DACH2: variants seen among roughly 807,000 people sequenced by gnomAD.
The protein encoded by DACH2 is dachshund homolog 2.
A neutral mutation model predicts 35.8 loss-of-function variants in DACH2; 17 were observed. The observed-to-expected ratio is 0.48, with a 90% CI of 0.33 to 0.71. The LOEUF is 0.71. DACH2 is among the 30% of genes least tolerant of loss of function. The probability of loss-of-function intolerance (pLI) is 0.02; values close to 1 mark genes in which losing one functional copy is unlikely to be tolerated. For synonymous variants in DACH2, 195 were observed against 177.3 expected (o/e 1.10, Z -0.79); for missense variants, 469 against 472.7 (o/e 0.99, Z 0.07).
At chrX:86,404,097 G>T (rs748642532) in intron 2 of DACH2, among the ~76,000 whole-genome samples, 1 of 110,425 alleles carries the variant, frequency 9.1e-6, no homozygotes, top group South Asian at 3.9e-4. Context: ...TTCACAACAC[G>T]TTGGGATTAT....
intron 2 of DACH2, among the ~76,000 whole-genome samples, chrX:86,503,123 C>T (rs1347865938): frequency 8.9e-6 from 1 of 112,165 alleles, no homozygotes; most frequent in African/African-American, 3.2e-5. Flanking sequence ...ATAGAATTCC[C>T]TCATGTAAAT....
At chrX:86,398,899 G>A (rs1328172207) in intron 2 of DACH2, among the ~76,000 whole-genome samples, 2 of 111,686 alleles carry the variant, frequency 1.8e-5, no homozygotes, top group Non-Finnish European at 1.9e-5. Flanking sequence ...TGTCTATTAG[G>A]TCCACTTGGT....
chrX:86,393,652 A>T (rs376598877), intron 2 of DACH2, among the ~76,000 whole-genome samples: 5 of 112,133 alleles, frequency 4.5e-5, no homozygotes, highest in African/African-American at 1.6e-4. Flanking sequence ...GGGTATAGAA[A>T]TTGTAGAATT....
chrX:86,659,292 C>A (rs1163021956), intron 4 of DACH2, among the ~76,000 whole-genome samples: 1 of 110,425 alleles, frequency 9.1e-6, no homozygotes. Flanking sequence ...TTTTCAGTAC[C>A]CTTCTATAAC....
chrX:86,758,661 T>C (rs1327519310), intron 7 of DACH2, among the ~76,000 whole-genome samples: 1 of 112,240 alleles, frequency 8.9e-6, no homozygotes, highest in Non-Finnish European at 1.9e-5. Flanking sequence ...ATCTGTCCTT[T>C]GAAATGTTTA....
intron 1 of DACH2, among the ~76,000 whole-genome samples, chrX:86,356,260 T>G (rs753599208): frequency 8.9e-6 from 1 of 112,122 alleles, no homozygotes; most frequent in South Asian, 3.7e-4. Context: ...GGCTAGCCAG[T>G]TATCCCAGCA....
chrX:86,445,241 A>C (rs950967041), intron 2 of DACH2, among the ~76,000 whole-genome samples: 1 of 107,313 alleles, frequency 9.3e-6, no homozygotes, highest in South Asian at 4.1e-4. Flanking sequence ...TTTTATTCTC[A>C]GTAAACTATC....
At chrX:86,379,121 A>G (rs1213653105) in intron 2 of DACH2, among the ~76,000 whole-genome samples, 1 of 111,423 alleles carries the variant, frequency 9.0e-6, no homozygotes, top group African/African-American at 3.2e-5. Flanking sequence ...AGCCATGTGT[A>G]TAACATGTGT....
chrX:86,524,257 G>T (rs1451396914), intron 3 of DACH2, among the ~76,000 whole-genome samples: 1 of 112,282 alleles, frequency 8.9e-6, no homozygotes, highest in African/African-American at 3.2e-5. Context: ...ACTACTTCCT[G>T]CTGACAGGGG....
At chrX:86,819,126 CAG>C (rs2042483096) in intron 11 of DACH2, among the ~76,000 whole-genome samples, 1 of 108,234 alleles carries the variant, frequency 9.2e-6, no homozygotes, top group South Asian at 3.9e-4. Context: ...TGTTGTTTGA[CAG>C]AGACGATAAT....
At chrX:86,174,725 G>A (rs1191118378) in intron 1 of DACH2, among the ~76,000 whole-genome samples, 1 of 111,707 alleles carries the variant, frequency 9.0e-6, no homozygotes, top group Non-Finnish European at 1.9e-5. Context: ...CCAGGCTGGA[G>A]TGCAGTGGCA....
chrX:86,400,357 C>A (rs1278055327), intron 2 of DACH2, among the ~76,000 whole-genome samples: 1 of 111,136 alleles, frequency 9.0e-6, no homozygotes, highest in Admixed American at 9.6e-5. Context: ...GTAGTTTGAT[C>A]TTCTGAAGCC....
chrX:86,205,482 CTCCTTCCCTCCTTCCTTCCTTCCT>C (rs2032279209), intron 1 of DACH2, among the ~76,000 whole-genome samples: 2 of 43,459 alleles, frequency 4.6e-5, no homozygotes, highest in African/African-American at 3.6e-4. Flanking sequence ...CCCTCCTTCC[CTCCTTCCCTCCTTCCTTCCTTCCT>C]TCCTTCCTTC....
chrX:86,543,729 G>A (rs191398361), intron 3 of DACH2, among the ~76,000 whole-genome samples: 4 of 106,374 alleles, frequency 3.8e-5, no homozygotes, highest in African/African-American at 6.8e-5. Flanking sequence ...TCCAACTATC[G>A]CAAGAACCAA....
intron 11 of DACH2, among the ~76,000 whole-genome samples, chrX:86,818,149 A>G (rs903429504): frequency 1.3e-4 from 15 of 111,993 alleles, no homozygotes; most frequent in Admixed American, 1.9e-4. Flanking sequence ...TGTGATAAAA[A>G]TGGAAAAATA....
intron 11 of DACH2, among the ~76,000 whole-genome samples, chrX:86,822,943 A>T (rs146274291): frequency 0.13 from 14,743 of 111,239 alleles, 882 homozygotes; most frequent in South Asian, 0.4. Flanking sequence ...CTTGCTATCT[A>T]ATTTTACATT....
chrX:86,294,645 C>G (rs918847600), intron 1 of DACH2, among the ~76,000 whole-genome samples: 2 of 109,323 alleles, frequency 1.8e-5, no homozygotes, highest in Non-Finnish European at 3.8e-5. Flanking sequence ...TTCTAACAGA[C>G]AGGGCCCTCA....
rs758985768 is a variant in DACH2 at position 86,814,745 on chromosome X, C to A, written c.1595C>A (p.Ala532Asp). 2.5e-6 allele frequency: 3 copies of A among 1,210,898 alleles called. No individual in the cohort carries two copies. Among genetic ancestry groups the A allele is most frequent in the Non-Finnish European group, 3.4e-6 (3 of 895,005 alleles). The change falls in exon 10 of 12, where the codon GCC (alanine) becomes GAC (aspartate). Residue 532 changes from alanine to aspartate, a missense_variant. By Grantham distance (126) the Ala-to-Asp change is moderately radical. This residue lies in a region of DACH2 where 363 missense variants were observed against 334.4 expected (regional missense o/e 1.09). Coordinates refer to ENST00000373125, the MANE Select transcript of DACH2 (RefSeq NM_053281.3). ...EKKTKRKLQE[A>D]LEFESKRREQ... ...AAAACCAAGAGAAAATTGCAGGAAG[C>A]CTTGGAATTTGAATCAAAGCGCCGG...
chrX:86,698,521 GTTTTTTT>G (rs767152609), intron 5 of DACH2, among the ~76,000 whole-genome samples: 7 of 32,959 alleles, frequency 2.1e-4, no homozygotes, highest in Admixed American at 4.9e-4. Context: ...TTAGTTTTGT[GTTTTTTT>G]TTTTTTTTTT....
Sources: allele counts gnomAD v4.1 joint callset (sites outside exome capture counted in the v4.1 genomes callset), GRCh38; gene constraint gnomAD v4.1.1; regional missense constraint gnomAD v4.1.1; transcripts MANE v1.5; gene names NCBI Gene and HGNC (gene_info 2026-07-23, HGNC 2026-07-21).